CNNM4: variants seen among roughly 807,000 people sequenced by gnomAD.
CNNM4 encodes metal transporter CNNM4.
A neutral mutation model predicts 53.7 loss-of-function variants in CNNM4; 32 were observed. The ratio of observed to expected loss-of-function variants is 0.60; its 90% CI spans 0.45 to 0.80. CNNM4 has a LOEUF of 0.80. Among genes scored for constraint, CNNM4 ranks in the 30% least tolerant of loss-of-function variants. The probability of loss-of-function intolerance (pLI) is 0.00; values close to 1 mark genes in which losing one functional copy is unlikely to be tolerated. For synonymous variants in CNNM4, 410 were observed against 440.0 expected (o/e 0.93, Z 0.85); for missense variants, 784 against 1,022.0 (o/e 0.77, Z 3.17).
intron 1 of CNNM4, among the ~76,000 whole-genome samples, chr2:96,770,402 C>G (rs1204610346): frequency 3.3e-5 from 5 of 152,108 alleles, no homozygotes; most frequent in Non-Finnish European, 5.9e-5. Flanking sequence ...AGCAGGGGGC[C>G]CTTGGGAAGG....
chr2:96,802,623 C>T lies in CNNM4; in HGVS notation c.1948+2975C>T, dbSNP rs892571831. Among the ~76,000 whole-genome samples, 5 of 152,212 alleles carry T rather than the reference C, an allele frequency of 3.3e-5. No homozygotes were observed. The East Asian group carries it at 9.6e-4, about 29-fold the overall frequency. On this transcript the variant is annotated intron_variant, in intron 5 of 6. Coordinates refer to ENST00000377075, the MANE Select transcript of CNNM4 (RefSeq NM_020184.4). Reference sequence around the variant, plus strand: ...CTGTGAAATGGGAACAATGCGTGTACCCCCTTCATAAGAGTTATCAGGAGA... The same window carrying T: ...CTGTGAAATGGGAACAATGCGTGTATCCCCTTCATAAGAGTTATCAGGAGA...
At chr2:96,796,806 A>G (rs1170284261) in intron 1 of CNNM4, among the ~76,000 whole-genome samples, 1 of 152,220 alleles carries the variant, frequency 6.6e-6, no homozygotes, top group East Asian at 1.9e-4. Context: ...CCTTAACGAC[A>G]TGCTTTTAAA....
intron 1 of CNNM4, among the ~76,000 whole-genome samples, chr2:96,781,461 A>G (rs2078974898): frequency 6.7e-6 from 1 of 149,800 alleles, no homozygotes; most frequent in Non-Finnish European, 1.5e-5. Flanking sequence ...GTGATCCTCT[A>G]CCTTGGCCTC....
At chr2:96,804,269 G>A (rs947873416) in intron 5 of CNNM4, among the ~76,000 whole-genome samples, 3 of 138,344 alleles carry the variant, frequency 2.2e-5, no homozygotes, top group East Asian at 4.3e-4. Context: ...TTGCTGCGAC[G>A]CCCAGGCTGG....
rs543240215 is a variant in CNNM4 at position 96,791,132 on chromosome 2, A to G, written c.1403-5880A>G. 1.3e-4 allele frequency among the ~76,000 whole-genome samples: 19 copies of G among 151,738 alleles called. No homozygotes were observed. In the South Asian group the frequency reaches 3.9e-3, roughly 31 times the overall value. On this transcript the variant is annotated intron_variant, in intron 1 of 6. Transcript: ENST00000377075. Reference sequence around the variant, plus strand: ...GAGACTCTGTCTCAAAAAAAAAAAAAAAAAAATTAAAATACAAAAATTAGC... The same window carrying G: ...GAGACTCTGTCTCAAAAAAAAAAAAGAAAAAATTAAAATACAAAAATTAGC...
intron 1 of CNNM4, among the ~76,000 whole-genome samples, chr2:96,793,605 T>G (rs1218528054): frequency 2.0e-5 from 3 of 152,066 alleles, no homozygotes; most frequent in Admixed American, 2.0e-4. Context: ...GGGCGGAGAA[T>G]GGTATCAAGA....
intron 1 of CNNM4, among the ~76,000 whole-genome samples, chr2:96,768,022 C>T (rs1266356022): frequency 6.6e-6 from 1 of 152,176 alleles, no homozygotes; most frequent in Non-Finnish European, 1.5e-5. Flanking sequence ...GAGATTGCAC[C>T]ACTGCACTCC....
Position 96,762,246 on chromosome 2 carries a change from C to A in CNNM4, c.1247C>A (p.Ser416Tyr). The stretch of plus-strand genomic sequence containing the variant: ...ATCCCGGTGTTCGAAGACGAGCAGT[C>A]CAATATTGTAGATATTCTCTACGTC... ...TRIPVFEDEQ[S>Y]NIVDILYVKD... The change falls in exon 1 of 7, where the codon TCC (serine) becomes TAC (tyrosine). Residue 416 changes from serine (S) to tyrosine (Y), a missense_variant. Coordinates refer to ENST00000377075, the MANE Select transcript of CNNM4 (RefSeq NM_020184.4). The A allele has an allele frequency of 1.9e-6, 3 of 1,614,176 alleles. No homozygotes were observed. Among genetic ancestry groups the A allele is most frequent in the Non-Finnish European group, 2.5e-6 (3 of 1,180,044 alleles).
chr2:96,779,087 G>T (rs1203593966), intron 1 of CNNM4, among the ~76,000 whole-genome samples: 1 of 152,120 alleles, frequency 6.6e-6, no homozygotes, highest in African/African-American at 2.4e-5. Context: ...CTCTTGAGTA[G>T]ATGGGACTAT....
intron 1 of CNNM4, among the ~76,000 whole-genome samples, chr2:96,765,263 G>T (rs2078806085): frequency 6.6e-6 from 1 of 150,714 alleles, no homozygotes; most frequent in Non-Finnish European, 1.5e-5. Flanking sequence ...AGTAGCTGGG[G>T]TTACGGGCAT....
chr2:96,789,588 C>CCAAAG (rs1479513000), intron 1 of CNNM4, among the ~76,000 whole-genome samples: 1 of 152,192 alleles, frequency 6.6e-6, no homozygotes, highest in Non-Finnish European at 1.5e-5. Flanking sequence ...GTGCCAGGAA[C>CCAAAG]CTTCTTTCTG....
rs999212743 is a variant in CNNM4 at position 96,808,736 on chromosome 2, C to T, written c.2124C>T (p.Tyr708=). 1 of 1,614,110 alleles carries T rather than the reference C, an allele frequency of 6.2e-7. No individual in the cohort carries two copies. The highest frequency in any genetic ancestry group is 8.5e-7 in the Non-Finnish European group (1 of 1,179,966). The change falls in exon 6 of 7, where the codon TAC becomes TAT. Residue 708 remains tyrosine, a synonymous_variant. Transcript: ENST00000377075. The surrounding 1 kb of genome is among the most constrained non-coding windows in gnomAD (Gnocchi z 4.9). Reference sequence around the variant, plus strand: ...TCCGGGCACTCGTGGACTTGCAGTACATCAAGGTGAGTGCCTCACTGCCCT... The same window carrying T: ...TCCGGGCACTCGTGGACTTGCAGTATATCAAGGTGAGTGCCTCACTGCCCT... ...FSVRALVDLQ[Y]IKITRQQYQN...
At chr2:96,792,106 T>G (rs1012582384) in intron 1 of CNNM4, among the ~76,000 whole-genome samples, 5 of 151,562 alleles carry the variant, frequency 3.3e-5, no homozygotes, top group Non-Finnish European at 7.4e-5. Flanking sequence ...ATACAAAAAA[T>G]TAGCCGAGTG....
Position 96,761,087 on chromosome 2 carries a change from C to A in CNNM4, c.88C>A (p.Leu30Met). The part of the protein sequence containing the change: ...LLAAPVLLVL[L>M]WALGARGQGS... Reference sequence around the variant, plus strand: ...GGCGGCGCCGGTGCTGCTGGTGCTGCTGTGGGCGCTGGGGGCCCGGGGCCA... The same window carrying A: ...GGCGGCGCCGGTGCTGCTGGTGCTGATGTGGGCGCTGGGGGCCCGGGGCCA... The change falls in exon 1 of 7, where the codon CTG becomes ATG. Residue 30 changes from leucine (L) to methionine (M), a missense_variant. Physicochemically the swap from Leu to Met is conservative, Grantham distance 15. Coordinates refer to ENST00000377075, the MANE Select transcript of CNNM4 (RefSeq NM_020184.4). This position sits in a 1 kb window ranked among gnomAD's most constrained non-coding sequence, Gnocchi z 6.0. 1.6e-5 allele frequency: 25 copies of A among 1,516,326 alleles called. No homozygotes were observed. The highest frequency in any genetic ancestry group is 2.1e-5 in the Non-Finnish European group (24 of 1,128,334). The allele number at this position is 1,516,326 out of a possible 1,614,324, so 93.9% of individuals were successfully genotyped here.
rs2079133767 is a variant in CNNM4, at chr2:96,799,093, A to T, written c.1718A>T (p.Lys573Met). Residue 573 changes from lysine to methionine, a missense_variant, in exon 4 of 7, where the codon AAG (lysine) becomes ATG (methionine). Lys to Met is a moderately conservative substitution (Grantham distance 95). Transcript: ENST00000377075. ...TTTAGCCCCTCCCTGATATCAGAGA[A>T]GATCCTGCTGCGGCTACTCAAGTAC... Reference protein sequence around the residue: ...SQFSPSLISEKILLRLLKYPD... With the variant: ...SQFSPSLISEMILLRLLKYPD... The T allele has an allele frequency of 6.2e-7, 1 of 1,614,064 alleles. No individual in the cohort carries two copies. Among genetic ancestry groups the T allele is most frequent in the Non-Finnish European group, 8.5e-7 (1 of 1,180,014 alleles).
chr2:96,785,389 C>T (rs2079008222), intron 1 of CNNM4, among the ~76,000 whole-genome samples: 1 of 151,782 alleles, frequency 6.6e-6, no homozygotes, highest in Non-Finnish European at 1.5e-5. Flanking sequence ...GTAATCTTAG[C>T]ACTTTGGGAG....
rs2079239122 is a variant in CNNM4 at position 96,809,498 on chromosome 2, C to G, written c.2309C>G (p.Ser770Cys). Residue 770 changes from serine to cysteine, a missense_variant, in exon 7 of 7, where the codon TCC (serine) becomes TGC (cysteine). Coordinates refer to ENST00000377075, the MANE Select transcript of CNNM4 (RefSeq NM_020184.4). ...CGTAACTCCTTGCTGCACAAAGCCT[C>G]CCACGAGAATGCCATCTGACAGGAG... Reference protein sequence around the residue: ...NERNSLLHKASHENAI With the variant: ...NERNSLLHKACHENAI 1 of 1,614,120 alleles carries G rather than the reference C, an allele frequency of 6.2e-7. No homozygotes were observed. The highest frequency in any genetic ancestry group is 1.3e-5 in the African/African-American group (1 of 74,954).
chr2:96,761,210 G>A lies in CNNM4; in HGVS notation c.211G>A (p.Gly71Ser). The change falls in exon 1 of 7, where the codon GGC (glycine) becomes AGC (serine). Residue 71 changes from glycine to serine, a missense_variant. This residue lies in a region of CNNM4 where 473 missense variants were observed against 624.6 expected (regional missense o/e 0.76). Transcript: ENST00000377075. This position sits in a 1 kb window ranked among gnomAD's most constrained non-coding sequence, Gnocchi z 6.0. ...NPDGIIFVSE[G>S]STVNLRLYGY... The stretch of plus-strand genomic sequence containing the variant: ...GGATGGCATCATCTTCGTGTCCGAG[G>A]GCAGCACCGTGAACCTGAGGCTGTA... 1 of 1,614,150 alleles carries A rather than the reference G, an allele frequency of 6.2e-7. No individual in the cohort carries two copies. Among genetic ancestry groups the A allele is most frequent in the East Asian group, 2.2e-5 (1 of 44,878 alleles).
At position 96,799,255 on chromosome 2, in the gene CNNM4, C is replaced by T. The variant is rs1386846848; in HGVS notation, c.1851+29C>T. 5 of 1,613,448 alleles carry T rather than the reference C, an allele frequency of 3.1e-6. No individual in the cohort carries two copies. In the African/African-American group the frequency reaches 6.7e-5, roughly 22 times the overall value. ...AGCCCGCTCAGCCCTGGGCCTGCCA[C>T]CTGCTCCCCCTGGCACTGCAGCAAC... On this transcript the variant is annotated intron_variant, in intron 4 of 6. Transcript: ENST00000377075.
Sources: gnomAD v4.1 joint callset for allele counts (sites outside exome capture counted in the v4.1 genomes callset) on GRCh38, gnomAD v4.1.1 for gene constraint, gnomAD v4.1.1 regional missense constraint, Gnocchi (gnomAD v3.1) non-coding constraint, MANE v1.5 for transcripts, NCBI Gene and HGNC (gene_info 2026-07-23, HGNC 2026-07-21) for gene names.